The following CSMD3 variants were observed in gnomAD, a reference collection of about 807,000 sequenced individuals.
The protein encoded by CSMD3 is CUB and Sushi multiple domains 3, also known as CUB and sushi domain-containing protein 3.
Under a neutral mutation model 435.2 loss-of-function variants are expected in CSMD3, and 177 were observed. The ratio of observed to expected loss-of-function variants is 0.41; its 90% confidence interval spans 0.36 to 0.46. CSMD3 has a LOEUF of 0.46. Ranked by LOEUF, CSMD3 falls within the 20% of genes least tolerant of loss-of-function variation. CSMD3 has a pLI of 0.34. For missense variants in CSMD3, 4,265 were observed against 4,504.6 expected (o/e 0.95, Z 1.52); for synonymous variants, 1,656 against 1,520.5 (o/e 1.09, Z -2.07).
intron 4 of CSMD3, among the ~76,000 whole-genome samples, chr8:113,138,895 A>C (rs1228689966): frequency 6.6e-6 from 1 of 151,126 alleles, no homozygotes; most frequent in African/African-American, 2.4e-5. Context: ...ATGTCACATA[A>C]TACTAAAGGA....
intron 5 of CSMD3, among the ~76,000 whole-genome samples, chr8:113,063,207 C>A (rs2131372587): frequency 6.6e-6 from 1 of 151,322 alleles, no homozygotes; most frequent in East Asian, 1.9e-4. Flanking sequence ...CTTTACCATT[C>A]ACAGTGATAG....
chr8:112,892,484 T>C (rs1304271953), intron 10 of CSMD3, among the ~76,000 whole-genome samples: 1 of 151,564 alleles, frequency 6.6e-6, no homozygotes, highest in East Asian at 2.0e-4. Flanking sequence ...AAATGAGTCC[T>C]ACATATATGA....
chr8:113,191,779 A>G (rs1368571548), intron 3 of CSMD3, among the ~76,000 whole-genome samples: 1 of 151,756 alleles, frequency 6.6e-6, no homozygotes, highest in Non-Finnish European at 1.5e-5. Context: ...ATACCCAGTA[A>G]TAAGATTGCT....
At position 113,012,212 on chromosome 8, in the gene CSMD3, C is replaced by T. The variant is rs1360697565; in HGVS notation, c.1030+6855G>A. 5.3e-5 allele frequency among the ~76,000 whole-genome samples: 8 copies of T among 151,732 alleles called. No homozygotes were observed. The East Asian group carries it at 1.5e-3, about 29-fold the overall frequency. ...AATGCAGTTGGCCTATGTATGAAAG[C>T]ATGTTTTGAGATAATAATTTAAATA... On this transcript the variant is annotated intron_variant, in intron 6 of 70. Transcript: ENST00000297405.
intron 1 of CSMD3, among the ~76,000 whole-genome samples, chr8:113,424,081 G>T (rs2094622455): frequency 6.6e-6 from 1 of 151,710 alleles, no homozygotes; most frequent in African/African-American, 2.4e-5. Flanking sequence ...AAGGGAATAA[G>T]GAGGTACTTT....
chr8:112,808,198 T>C (rs899371824), intron 12 of CSMD3, among the ~76,000 whole-genome samples: 1 of 152,198 alleles, frequency 6.6e-6, no homozygotes, highest in African/African-American at 2.4e-5. Context: ...ATATTTTGTC[T>C]AGTTATAGTA....
chr8:112,783,833 A>AT (rs1295571535), intron 13 of CSMD3, among the ~76,000 whole-genome samples: 1 of 151,900 alleles, frequency 6.6e-6, no homozygotes, highest in Non-Finnish European at 1.5e-5. Flanking sequence ...CAAAAAAAAA[A>AT]CATAAAAAGA....
At chr8:112,270,460 C>CAAAGGTA (rs773648812) in intron 59 of CSMD3, among the ~76,000 whole-genome samples, 1 of 150,594 alleles carries the variant, frequency 6.6e-6, no homozygotes, top group Non-Finnish European at 1.5e-5. Context: ...GGGAAATTCT[C>CAAAGGTA]AAAGGTAAAA....
chr8:113,249,096 T>C (rs574041061), intron 3 of CSMD3, among the ~76,000 whole-genome samples: 4 of 152,094 alleles, frequency 2.6e-5, no homozygotes, highest in African/African-American at 7.2e-5. Flanking sequence ...TCTCACAAGA[T>C]CTAATGGTCT....
chr8:112,486,425 A>G (rs1820140961), intron 31 of CSMD3, among the ~76,000 whole-genome samples: 1 of 152,108 alleles, frequency 6.6e-6, no homozygotes, highest in African/African-American at 2.4e-5. Context: ...CTATAAAATG[A>G]GAATATTAAT....
chr8:113,273,564 T>A (rs1232858138), intron 3 of CSMD3, among the ~76,000 whole-genome samples: 1 of 152,150 alleles, frequency 6.6e-6, no homozygotes, highest in African/African-American at 2.4e-5. Context: ...TACTTATTTG[T>A]GGTCTCAGTT....
intron 28 of CSMD3, among the ~76,000 whole-genome samples, chr8:112,511,123 C>G (rs1023657562): frequency 2.0e-5 from 3 of 152,094 alleles, no homozygotes; most frequent in Non-Finnish European, 4.4e-5. Context: ...GTCACAAAAC[C>G]TTTTTGGTTT....
intron 7 of CSMD3, among the ~76,000 whole-genome samples, chr8:112,962,148 C>G (rs2084254292): frequency 1.3e-5 from 2 of 151,522 alleles, no homozygotes; most frequent in South Asian, 2.1e-4. Flanking sequence ...AATTTATGCA[C>G]TTTCTTGGGA....
chr8:113,390,835 A>G (rs1473567455), intron 1 of CSMD3, among the ~76,000 whole-genome samples: 1 of 151,972 alleles, frequency 6.6e-6, no homozygotes, highest in Non-Finnish European at 1.5e-5. Context: ...ATTTCTCAAA[A>G]TGTATCATGG....
At chr8:112,339,869 T>C (rs1824932134) in intron 42 of CSMD3, among the ~76,000 whole-genome samples, 1 of 152,182 alleles carries the variant, frequency 6.6e-6, no homozygotes, top group Non-Finnish European at 1.5e-5. Flanking sequence ...ATTTTAAAAC[T>C]CAGTGTGATT....
chr8:112,346,267 A>T, intron 40 of CSMD3, 54 bp from the exon 41 acceptor site: 1 of 1,027,092 alleles, frequency 9.7e-7, no homozygotes, highest in Non-Finnish European at 1.6e-6. Flanking sequence ...AATTTACTGT[A>T]TTAAAAAACA....
At chr8:112,553,055 C>T (rs980515566) in intron 25 of CSMD3, among the ~76,000 whole-genome samples, 1 of 152,130 alleles carries the variant, frequency 6.6e-6, no homozygotes, top group African/African-American at 2.4e-5. Flanking sequence ...TGGCAAGTTG[C>T]TCACTGCTAA....
At chr8:112,292,203 T>C (rs992494004) in intron 55 of CSMD3, among the ~76,000 whole-genome samples, 2 of 152,098 alleles carry the variant, frequency 1.3e-5, no homozygotes, top group Non-Finnish European at 2.9e-5. Context: ...CAAAGCAAAT[T>C]GCAAGTAAAA....
chr8:113,101,702 T>C (rs758540913), intron 4 of CSMD3, among the ~76,000 whole-genome samples: 3 of 152,062 alleles, frequency 2.0e-5, no homozygotes, highest in Non-Finnish European at 4.4e-5. Flanking sequence ...GGATAGGGAC[T>C]CAGTTCCTCC....
Sources: allele counts gnomAD v4.1 joint callset (sites outside exome capture counted in the v4.1 genomes callset), GRCh38; gene constraint gnomAD v4.1.1; transcripts MANE v1.5; gene names NCBI Gene and HGNC (gene_info 2026-07-23, HGNC 2026-07-21).